TASP1: variants seen among roughly 807,000 people sequenced by gnomAD.
TASP1 encodes threonine aspartase 1.
TASP1 carries 16 observed loss-of-function variants against 56.6 expected under a neutral mutation model. The ratio of observed to expected loss-of-function variants is 0.28; its 90% CI spans 0.19 to 0.43. The LOEUF (loss-of-function observed/expected upper bound fraction) is 0.43. TASP1 is among the 20% of genes least tolerant of loss of function. The pLI, the probability that TASP1 is intolerant of heterozygous loss-of-function variation, is 1.00. For missense variants in TASP1, 393 were observed against 511.6 expected (o/e 0.77, Z 2.24); for synonymous variants, 179 against 184.2 (o/e 0.97, Z 0.23).
chr20:13,217,873 C>A, the TASP1 span, among the ~76,000 whole-genome samples: 1 of 152,194 alleles, frequency 6.6e-6, no homozygotes, highest in Non-Finnish European at 1.5e-5. Flanking sequence ...AGGTTCAATG[C>A]AGATATTCCT....
At chr20:13,384,602 G>A (rs1352698180), downstream of TASP1, among the ~76,000 whole-genome samples, 5 of 152,108 alleles carry the variant, frequency 3.3e-5, no homozygotes, top group African/African-American at 1.2e-4. Flanking sequence ...TTAAGTGCTG[G>A]GGAGGGGTGG....
chr20:13,548,348 T>C (rs944533421), intron 8 of TASP1, among the ~76,000 whole-genome samples: 1 of 152,074 alleles, frequency 6.6e-6, no homozygotes, highest in Non-Finnish European at 1.5e-5. Context: ...TGGAGCATGA[T>C]TCTAAACATG....
the TASP1 span, among the ~76,000 whole-genome samples, chr20:13,252,152 C>A: frequency 6.6e-6 from 1 of 152,142 alleles, no homozygotes; most frequent in African/African-American, 2.4e-5. Flanking sequence ...GTGAATGGAT[C>A]CCTCAGGCCT....
At chr20:13,203,424 C>T in the TASP1 span, among the ~76,000 whole-genome samples, 2 of 152,210 alleles carry the variant, frequency 1.3e-5, no homozygotes, top group African/African-American at 4.8e-5. Flanking sequence ...ATCTATTTCA[C>T]ATGCAAACAC....
At chr20:13,624,519 CAG>C (rs200324013) in intron 3 of TASP1, among the ~76,000 whole-genome samples, 7 of 151,392 alleles carry the variant, frequency 4.6e-5, no homozygotes, top group African/African-American at 7.3e-5. Context: ...ATGAAAAGAG[CAG>C]AGAGAGAGAG....
At chr20:13,279,979 C>T in the TASP1 span, 1 of 1,359,756 alleles carries the variant, frequency 7.4e-7, no homozygotes, top group Non-Finnish European at 1.0e-6. Context: ...CAAGCAAAAC[C>T]CTGCTTAGAG....
At chr20:13,418,858 A>G (rs1300556425) in intron 12 of TASP1, among the ~76,000 whole-genome samples, 3 of 152,236 alleles carry the variant, frequency 2.0e-5, no homozygotes, top group Non-Finnish European at 4.4e-5. Flanking sequence ...GAATGAGGAA[A>G]CATCAAACAG....
At chr20:13,616,794 A>G (rs2048539291) in intron 4 of TASP1, 6 of 253,320 alleles carry the variant, frequency 2.4e-5, no homozygotes, top group South Asian at 2.0e-4. Context: ...GTTGCCCCTT[A>G]GTACTAAAGG....
At chr20:13,590,377 T>G (rs148046990) in intron 4 of TASP1, among the ~76,000 whole-genome samples, 1 of 152,250 alleles carries the variant, frequency 6.6e-6, no homozygotes, top group Non-Finnish European at 1.5e-5. Flanking sequence ...TGTACGGACA[T>G]GCAAGTAAGC....
chr20:13,511,102 G>A lies in TASP1; in HGVS notation c.874+17331C>T, dbSNP rs142495570. 4.1e-3 allele frequency among the ~76,000 whole-genome samples: 620 copies of A among 151,508 alleles called. 4 individuals are homozygous for A. Among genetic ancestry groups the A allele is most frequent in the Non-Finnish European group, 7.0e-3 (477 of 67,940 alleles). ...GTGATTGATCCAGAAATAAACATAC[G>A]ACATTAGCCAATCAACAAAACATTG... is the stretch of plus-strand genomic sequence containing the variant. On this transcript the variant is annotated intron_variant, in intron 10 of 13. Coordinates refer to ENST00000337743, the MANE Select transcript of TASP1 (RefSeq NM_017714.3).
At chr20:13,623,747 T>C (rs1434870012) in intron 3 of TASP1, among the ~76,000 whole-genome samples, 1 of 152,234 alleles carries the variant, frequency 6.6e-6, no homozygotes, top group Non-Finnish European at 1.5e-5. Flanking sequence ...AATCTAGTTA[T>C]TAAATGAAAA....
chr20:13,485,051 G>A (rs535196868), intron 10 of TASP1, among the ~76,000 whole-genome samples: 21 of 152,232 alleles, frequency 1.4e-4, no homozygotes, highest in African/African-American at 4.8e-4. Flanking sequence ...GATGGGTGGA[G>A]CAAACCACCA....
intron 10 of TASP1, among the ~76,000 whole-genome samples, chr20:13,487,021 G>A (rs2043344832): frequency 6.6e-6 from 1 of 152,148 alleles, no homozygotes; most frequent in Non-Finnish European, 1.5e-5. Context: ...ATAAAGAACA[G>A]AAAGGAAGAA....
chr20:13,453,556 T>C (rs535617590), intron 11 of TASP1, among the ~76,000 whole-genome samples: 5 of 152,068 alleles, frequency 3.3e-5, no homozygotes, highest in South Asian at 4.1e-4. Flanking sequence ...TATACTTACA[T>C]TGGGATTTAA....
At chr20:13,377,102 C>A in the TASP1 span, among the ~76,000 whole-genome samples, 6 of 152,178 alleles carry the variant, frequency 3.9e-5, no homozygotes, top group Admixed American at 6.5e-5. Flanking sequence ...CCAGAACTTC[C>A]AACCCTGTGT....
intron 1 of TASP1, among the ~76,000 whole-genome samples, chr20:13,634,923 A>G (rs1261864114): frequency 1.4e-5 from 2 of 146,876 alleles, no homozygotes; most frequent in South Asian, 2.2e-4. Context: ...AGCTACTCGG[A>G]AGGCTGAGGC....
chr20:13,601,829 A>C (rs6134930), intron 4 of TASP1, among the ~76,000 whole-genome samples: 59,937 of 145,250 alleles, frequency 0.41, 12,671 homozygotes, highest in East Asian at 0.56. Context: ...ATGACAATTT[A>C]TCTCTAAGGT....
the TASP1 span, among the ~76,000 whole-genome samples, chr20:13,155,648 A>G: frequency 6.6e-6 from 1 of 152,048 alleles, no homozygotes; most frequent in East Asian, 1.9e-4. Context: ...AACATGGTGA[A>G]ACCCCGTGTC....
At chr20:13,437,965 C>T (rs2043069807) in intron 11 of TASP1, among the ~76,000 whole-genome samples, 1 of 152,142 alleles carries the variant, frequency 6.6e-6, no homozygotes, top group African/African-American at 2.4e-5. Flanking sequence ...ATGCCATCCC[C>T]ATCAAGCTAC....
Sources: allele counts gnomAD v4.1 joint callset (sites outside exome capture counted in the v4.1 genomes callset), GRCh38; gene constraint gnomAD v4.1.1; transcripts MANE v1.5; gene names NCBI Gene and HGNC (gene_info 2026-07-23, HGNC 2026-07-21).